CNTN4: variants seen among roughly 807,000 people sequenced by gnomAD.
CNTN4 encodes contactin 4.
A neutral mutation model predicts 122.5 loss-of-function variants in CNTN4; 77 were observed. The ratio of observed to expected loss-of-function variants is 0.63; its 90% CI spans 0.52 to 0.76. The LOEUF (loss-of-function observed/expected upper bound fraction) is 0.76. Ranked by LOEUF, CNTN4 falls within the 30% of genes least tolerant of loss-of-function variation. The pLI is 0.00. For missense variants in CNTN4, 1,256 were observed against 1,259.1 expected (o/e 1.00, Z 0.04); for synonymous variants, 512 against 447.0 (o/e 1.15, Z -1.83).
At chr3:2,118,788 C>T (rs17194126) in intron 2 of CNTN4, among the ~76,000 whole-genome samples, 27,169 of 152,040 alleles carry the variant, frequency 0.18, 3,085 homozygotes, top group Admixed American at 0.3. Flanking sequence ...TGTACGGGTC[C>T]GAATGCATGC....
At chr3:2,772,520 G>A (rs1227779059) in intron 6 of CNTN4, among the ~76,000 whole-genome samples, 2 of 152,034 alleles carry the variant, frequency 1.3e-5, no homozygotes, top group Non-Finnish European at 2.9e-5. Flanking sequence ...GGTTAGGGTT[G>A]GAGATTAAGA....
intron 2 of CNTN4, among the ~76,000 whole-genome samples, chr3:2,121,378 A>T (rs1192590972): frequency 6.6e-6 from 1 of 152,022 alleles, no homozygotes; most frequent in African/African-American, 2.4e-5. Context: ...CGTGCCTGTA[A>T]ACCCAGCTAC....
intron 4 of CNTN4, among the ~76,000 whole-genome samples, chr3:2,725,670 G>A (rs1428534584): frequency 6.6e-6 from 1 of 152,152 alleles, no homozygotes; most frequent in Non-Finnish European, 1.5e-5. Flanking sequence ...ACAGTTCAAG[G>A]AAGCAGATTT....
At chr3:2,414,302 C>A (rs1456237668) in intron 3 of CNTN4, among the ~76,000 whole-genome samples, 2 of 152,150 alleles carry the variant, frequency 1.3e-5, no homozygotes, top group Non-Finnish European at 2.9e-5. Context: ...GTTTCTTCTA[C>A]ACCATTTAGC....
chr3:2,401,780 A>T (rs1181038306), intron 3 of CNTN4, among the ~76,000 whole-genome samples: 1 of 152,180 alleles, frequency 6.6e-6, no homozygotes, highest in African/African-American at 2.4e-5. Context: ...AACTTTGTAG[A>T]GGTTAAAACT....
intron 4 of CNTN4, among the ~76,000 whole-genome samples, chr3:2,634,546 T>C (rs1329182933): frequency 6.6e-6 from 1 of 151,960 alleles, no homozygotes; most frequent in Non-Finnish European, 1.5e-5. Flanking sequence ...TGAAAAATTC[T>C]AGGGCCGGGC....
chr3:2,942,846 A>G (rs1043620068), intron 13 of CNTN4, among the ~76,000 whole-genome samples: 2 of 152,192 alleles, frequency 1.3e-5, no homozygotes, highest in African/African-American at 4.8e-5. Context: ...TTATCTGGAA[A>G]TCAATTTTGC....
chr3:2,561,121 C>A (rs1199076937), intron 3 of CNTN4, among the ~76,000 whole-genome samples: 1 of 152,138 alleles, frequency 6.6e-6, no homozygotes, highest in African/African-American at 2.4e-5. Flanking sequence ...GTTCTTGCCA[C>A]TTTTAATCTG....
chr3:2,352,931 C>T (rs2044697255), intron 3 of CNTN4, among the ~76,000 whole-genome samples: 2 of 152,024 alleles, frequency 1.3e-5, no homozygotes, highest in African/African-American at 4.8e-5. Flanking sequence ...GTAAATGCAC[C>T]AATCAGTGCT....
chr3:2,706,018 A>G lies in CNTN4; in HGVS notation c.56-30197A>G, dbSNP rs2086712459. On this transcript the variant is annotated intron_variant, in intron 4 of 24. Transcript: ENST00000418658. ...AATATATAAAAATAAATATATATAA[A>G]TATACATATTTATATAGATAGACAC... Among the ~76,000 whole-genome samples, 4 of 141,568 alleles carry G rather than the reference A, an allele frequency of 2.8e-5. No individual in the cohort carries two copies. In the South Asian group the frequency reaches 8.4e-4, roughly 30 times the overall value. The allele number at this position is 141,568 out of a possible 152,430, so 92.9% of individuals were successfully genotyped here.
intron 13 of CNTN4, among the ~76,000 whole-genome samples, chr3:2,950,421 A>G (rs41337944): frequency 0.021 from 3,201 of 151,892 alleles, 101 homozygotes; most frequent in African/African-American, 0.069. Context: ...CCCCAAACAC[A>G]TCGGTAGCTT....
intron 3 of CNTN4, among the ~76,000 whole-genome samples, chr3:2,491,479 A>G (rs990361386): frequency 4.6e-5 from 7 of 152,314 alleles, no homozygotes; most frequent in African/African-American, 7.2e-5. Context: ...GGTGATTATT[A>G]TACTTAAAAA....
At chr3:2,322,963 G>A (rs1334218346) in intron 2 of CNTN4, among the ~76,000 whole-genome samples, 10 of 152,166 alleles carry the variant, frequency 6.6e-5, no homozygotes, top group Admixed American at 3.9e-4. Flanking sequence ...GAGGATTACC[G>A]AAGTTCACTT....
chr3:2,506,564 C>A lies in CNTN4; in HGVS notation c.-88-64852C>A, dbSNP rs183458887. On this transcript the variant is annotated intron_variant, in intron 3 of 24. Transcript: ENST00000418658. ...AATAAATATTTGTTGAATGAGTAAA[C>A]AAAAGCAGTCTAACAACGGATTTCC... Among the ~76,000 whole-genome samples, 76 of 152,252 alleles carry A rather than the reference C, an allele frequency of 5.0e-4. No individual in the cohort carries two copies. In the East Asian group the frequency reaches 0.014, roughly 29 times the overall value.
At chr3:2,115,290 A>T (rs1378529362) in intron 2 of CNTN4, among the ~76,000 whole-genome samples, 1 of 152,238 alleles carries the variant, frequency 6.6e-6, no homozygotes, top group East Asian at 1.9e-4. Flanking sequence ...TGTGTGGTCC[A>T]ATATTAATGG....
intron 2 of CNTN4, among the ~76,000 whole-genome samples, chr3:2,310,921 G>A (rs921380157): frequency 6.6e-6 from 1 of 152,058 alleles, no homozygotes; most frequent in Non-Finnish European, 1.5e-5. Context: ...GTCTTTCAAA[G>A]CAGTAGATGT....
chr3:2,888,265 T>C (rs930584338), intron 10 of CNTN4, among the ~76,000 whole-genome samples: 1 of 152,168 alleles, frequency 6.6e-6, no homozygotes, highest in Non-Finnish European at 1.5e-5. Context: ...TTGGCCATGA[T>C]GGGAGGGTAA....
chr3:2,471,080 T>G (rs920695820), intron 3 of CNTN4, among the ~76,000 whole-genome samples: 1 of 152,202 alleles, frequency 6.6e-6, no homozygotes, highest in Non-Finnish European at 1.5e-5. Flanking sequence ...CTATAGGAAT[T>G]CATAGGAGGG....
At chr3:2,338,964 A>T (rs144672800) in intron 2 of CNTN4, among the ~76,000 whole-genome samples, 1 of 152,078 alleles carries the variant, frequency 6.6e-6, no homozygotes, top group African/African-American at 2.4e-5. Flanking sequence ...CACTCAGCTC[A>T]TGGGAGGCAA....
Sources: allele counts gnomAD v4.1 joint callset (sites outside exome capture counted in the v4.1 genomes callset), GRCh38; gene constraint gnomAD v4.1.1; transcripts MANE v1.5; gene names NCBI Gene and HGNC (gene_info 2026-07-23, HGNC 2026-07-21).